CDC25A: variants seen among roughly 807,000 people sequenced by gnomAD.
CDC25A encodes the protein M-phase inducer phosphatase 1.
In CDC25A, 17 loss-of-function variants were observed where a neutral mutation model predicts 64.6. The observed-to-expected ratio is 0.26, with a 90% CI of 0.18 to 0.39. CDC25A has a LOEUF of 0.39. Among genes scored for constraint, CDC25A ranks in the 10% least tolerant of loss-of-function variants. The pLI is 1.00. For synonymous variants in CDC25A, 229 were observed against 238.6 expected (o/e 0.96, Z 0.37); for missense variants, 473 against 654.8 (o/e 0.72, Z 3.03).
chr3:48,177,808 A>C (rs2032517358), intron 7 of CDC25A, 46 bp downstream of exon 7: 1 of 1,600,816 alleles, frequency 6.2e-7, no homozygotes, highest in African/African-American at 1.4e-5. Context: ...TCCAGAGGTA[A>C]TTAATTAGTA....
chr3:48,176,553 AT>A (rs2032468150), intron 8 of CDC25A, among the ~76,000 whole-genome samples: 10 of 146,680 alleles, frequency 6.8e-5, no homozygotes, highest in Middle Eastern at 3.6e-3. Context: ...ATATATATAT[AT>A]ATATAAAATA....
intron 8 of CDC25A, among the ~76,000 whole-genome samples, chr3:48,176,915 G>A (rs955216182): frequency 7.3e-5 from 11 of 151,364 alleles, no homozygotes; most frequent in Non-Finnish European, 1.2e-4. Context: ...AGGTTGCAGT[G>A]AGCCAAGATT....
intron 8 of CDC25A, among the ~76,000 whole-genome samples, chr3:48,175,094 A>G (rs946382129): frequency 5.3e-5 from 8 of 152,190 alleles, no homozygotes; most frequent in African/African-American, 9.6e-5. Flanking sequence ...CACAAGTTCA[A>G]TAACAGCCTG....
intron 13 of CDC25A, among the ~76,000 whole-genome samples, chr3:48,162,280 G>T (rs1220472625): frequency 6.6e-6 from 1 of 150,790 alleles, no homozygotes; most frequent in Non-Finnish European, 1.5e-5. Context: ...GTGTGTGTGT[G>T]TGTGTGTGTG....
Position 48,187,781 on chromosome 3 carries a change from C to T in CDC25A, c.167G>A (p.Gly56Asp), listed in dbSNP as rs779797154. The T allele has an allele frequency of 1.3e-6, 2 of 1,545,380 alleles. No homozygotes were observed. The highest frequency in any genetic ancestry group is 2.4e-5 in the South Asian group (2 of 83,914). Residue 56 changes from glycine (G) to aspartate (D), a missense_variant, in exon 1 of 15, where the codon GGC becomes GAC. By Grantham distance (94) the Gly-to-Asp change is moderately conservative. Transcript: ENST00000302506. ...CCGCCCGCCGGTCTCTCCTTACCTG[C>T]CCAGACCCTGCAGCTGGTCCATAGT... is the stretch of plus-strand genomic sequence containing the variant. ...TVTMDQLQGL[G>D]SDYEQPLEVK...
chr3:48,186,292 G>C (rs952671998), intron 2 of CDC25A, among the ~76,000 whole-genome samples: 3 of 152,110 alleles, frequency 2.0e-5, no homozygotes, highest in East Asian at 1.9e-4. Flanking sequence ...GTTTATCACC[G>C]GGCGCGGTGG....
chr3:48,167,915 A>C lies in CDC25A; in HGVS notation c.960T>G (p.Ser320=), dbSNP rs776004127. The C allele has an allele frequency of 6.2e-7, 1 of 1,609,472 alleles. No homozygotes were observed. The highest frequency in any genetic ancestry group is 8.5e-7 in the Non-Finnish European group (1 of 1,175,908). The change falls in exon 10 of 15, where the codon TCT becomes TCG. Residue 320 remains serine (S), a synonymous_variant. Coordinates refer to ENST00000302506, the MANE Select transcript of CDC25A (RefSeq NM_001789.3). ...TGTTCTCAATGGTTCCTTTGGGGGAAGATGCCAGGGATAAAGACTGATGAA... is the reference window on the plus strand; with the variant it reads ...TGTTCTCAATGGTTCCTTTGGGGGACGATGCCAGGGATAAAGACTGATGAA... The part of the protein sequence containing the change: ...ETLHQSLSLA[S]SPKGTIENIL...
chr3:48,186,655 G>T, intron 2 of CDC25A, 48 bp downstream of exon 2: 2 of 1,211,090 alleles, frequency 1.7e-6, no homozygotes, highest in Non-Finnish European at 2.4e-6. Flanking sequence ...GAAAAGGCAT[G>T]TTTCAGGAAA....
intron 5 of CDC25A, among the ~76,000 whole-genome samples, chr3:48,182,608 A>T (rs150290107): frequency 6.6e-6 from 1 of 152,208 alleles, no homozygotes; most frequent in South Asian, 2.1e-4. Flanking sequence ...ACATGTAATT[A>T]CTCCTGTGAG....
chr3:48,186,007 C>T (rs924743429), intron 2 of CDC25A, among the ~76,000 whole-genome samples: 1 of 152,206 alleles, frequency 6.6e-6, no homozygotes, highest in Non-Finnish European at 1.5e-5. Context: ...CAGATAAACT[C>T]TGCAGTAATA....
At chr3:48,185,788 C>T (rs2032824520) in intron 2 of CDC25A, among the ~76,000 whole-genome samples, 1 of 152,186 alleles carries the variant, frequency 6.6e-6, no homozygotes, top group Non-Finnish European at 1.5e-5. Context: ...GCAGACCCAC[C>T]CACCCATAGC....
chr3:48,164,466 C>A, intron 12 of CDC25A, 29 bp from the exon 13 acceptor site: 1 of 1,474,776 alleles, frequency 6.8e-7, no homozygotes. Context: ...CCCTTGGAAC[C>A]TGCACGTTTC....
chr3:48,181,192 A>G (rs1042191211), intron 5 of CDC25A, among the ~76,000 whole-genome samples: 9 of 152,044 alleles, frequency 5.9e-5, no homozygotes, highest in African/African-American at 2.2e-4. Flanking sequence ...ATCTAGGTCC[A>G]TCTGTTTCAG....
chr3:48,173,775 T>C (rs568527380), intron 9 of CDC25A, among the ~76,000 whole-genome samples: 1 of 152,170 alleles, frequency 6.6e-6, no homozygotes, highest in Non-Finnish European at 1.5e-5. Flanking sequence ...AAAATTTACA[T>C]AGACCGGAGA....
chr3:48,186,914 G>T (rs2032865079), intron 1 of CDC25A, 135 bp from the exon 2 acceptor site: 2 of 622,818 alleles, frequency 3.2e-6, no homozygotes, highest in Non-Finnish European at 5.6e-6. Flanking sequence ...AAGTGGCAAA[G>T]ATCCCACTTT....
rs1275767970 is a variant in CDC25A, at chr3:48,187,889, G to A, written c.59C>T (p.Pro20Leu). ...RRRLLFACSP[P>L]PASQPVVKAL... ...CTTCACGACGGGCTGCGACGCGGGA[G>A]GGGGGCTGCAGGCGAAGAGCAGGCG... The change falls in exon 1 of 15, where the codon CCT becomes CTT. Residue 20 changes from proline to leucine, a missense_variant. Transcript: ENST00000302506. The A allele has an allele frequency of 1.9e-6, 3 of 1,545,504 alleles. No individual in the cohort carries two copies. Among genetic ancestry groups the A allele is most frequent in the Non-Finnish European group, 1.7e-6 (2 of 1,145,474 alleles).
In CDC25A at chr3:48,184,675, CAGG is replaced by C; in HGVS notation, c.265_267del (p.Pro89del). On this transcript the variant is annotated inframe_deletion, in exon 3 of 15. Transcript: ENST00000302506. ...TACTTTTCTTTACTGTCCAATGGCCCAGGAGAATCTAGACAGAAACCTATGGGG... is the reference window on the plus strand; with the variant it reads ...TACTTTTCTTTACTGTCCAATGGCCCAGAATCTAGACAGAAACCTATGGGG... 1 of 1,591,888 alleles carries C rather than the reference CAGG, an allele frequency of 6.3e-7. No individual in the cohort carries two copies. The highest frequency in any genetic ancestry group is 8.5e-7 in the Non-Finnish European group (1 of 1,172,262).
At chr3:48,161,152 A>G (rs976579525) in intron 13 of CDC25A, 1 of 92,184 alleles carries the variant, frequency 1.1e-5, no homozygotes, top group African/African-American at 6.4e-5. Context: ...ATTCCAACTC[A>G]AAAAAAAAAA....
At chr3:48,176,072 C>T (rs550725052) in intron 8 of CDC25A, among the ~76,000 whole-genome samples, 1 of 152,156 alleles carries the variant, frequency 6.6e-6, no homozygotes, top group South Asian at 2.1e-4. Context: ...GAAGGCTGAG[C>T]CAGAAGAAGC....
Sources: gnomAD v4.1 joint callset for allele counts (sites outside exome capture counted in the v4.1 genomes callset) on GRCh38, gnomAD v4.1.1 for gene constraint, MANE v1.5 for transcripts, NCBI Gene and HGNC (gene_info 2026-07-23, HGNC 2026-07-21) for gene names.